STK4: variants seen among roughly 807,000 people sequenced by gnomAD.
STK4 encodes the protein serine/threonine-protein kinase 4.
In STK4, 30 loss-of-function variants were observed where a neutral mutation model predicts 64.9. That is an observed-to-expected ratio of 0.46 (90% CI 0.35 to 0.63). The LOEUF is 0.63. Among genes scored for constraint, STK4 ranks in the 20% least tolerant of loss-of-function variants. The probability of loss-of-function intolerance (pLI) is 0.01; values close to 1 mark genes in which losing one functional copy is unlikely to be tolerated. For synonymous variants in STK4, 177 were observed against 199.0 expected (o/e 0.89, Z 0.93); for missense variants, 466 against 598.5 (o/e 0.78, Z 2.31).
At chr20:45,064,263 GT>G (rs2145470133) in intron 10 of STK4, among the ~76,000 whole-genome samples, 1 of 152,170 alleles carries the variant, frequency 6.6e-6, no homozygotes, top group South Asian at 2.1e-4. Flanking sequence ...TAGGCTTTCT[GT>G]TCTGTCCCAC....
At chr20:44,985,597 C>A (rs1601203023) in intron 4 of STK4, among the ~76,000 whole-genome samples, 1 of 152,304 alleles carries the variant, frequency 6.6e-6, no homozygotes, top group East Asian at 1.9e-4. Context: ...TCCGCCTCAG[C>A]CTCCCAAAGT....
At chr20:45,006,938 G>C (rs553942417) in intron 9 of STK4, among the ~76,000 whole-genome samples, 1 of 152,280 alleles carries the variant, frequency 6.6e-6, no homozygotes, top group East Asian at 1.9e-4. Context: ...AAGTCCTTGT[G>C]ATTTGGTTTT....
In STK4 at chr20:45,078,746, G is replaced by A. The variant is rs1213826512; in HGVS notation, c.*3570G>A. The A allele has an allele frequency of 1.3e-5, 2 of 152,106 alleles. No individual in the cohort carries two copies. Among genetic ancestry groups the A allele is most frequent in the Non-Finnish European group, 2.9e-5 (2 of 67,996 alleles). The allele number at this position is 152,106 out of a possible 1,614,324, so 9.4% of individuals were successfully genotyped here. A position where few individuals can be genotyped will look rare whatever the true frequency, so the allele number is the denominator to read the frequency against. ...GAAGCAACTTAAGAATTGTAGCCTT[G>A]ACTCCTTGAGACTGTAGATTTCGAT... On this transcript the variant is annotated 3_prime_UTR_variant, in exon 11 of 11. Transcript: ENST00000372806.
intron 3 of STK4, among the ~76,000 whole-genome samples, chr20:44,979,479 C>T (rs530365862): frequency 6.6e-6 from 1 of 152,266 alleles, no homozygotes; most frequent in South Asian, 2.1e-4. Context: ...TCCATGACAA[C>T]ATGGGTTGGT....
intron 10 of STK4, among the ~76,000 whole-genome samples, chr20:45,029,728 A>G (rs1291369421): frequency 6.6e-6 from 1 of 152,208 alleles, no homozygotes; most frequent in African/African-American, 2.4e-5. Context: ...GACAGCACCC[A>G]TTGATTGGTG....
rs147271984 is a variant in STK4 at position 44,972,739 on chromosome 20, T to C, written c.116+581T>C. ...AATTAAGTTTACATAATTTTTATAC[T>C]TTTATATATCATTTTAATTCAATCC... On this transcript the variant is annotated intron_variant, in intron 2 of 10. Transcript: ENST00000372806. 7 of 152,306 alleles carry C rather than the reference T, an allele frequency of 4.6e-5. No homozygotes were observed. In the East Asian group the frequency reaches 1.3e-3, roughly 29 times the overall value. 9.4% of individuals were successfully genotyped at this position (152,306 alleles called of 1,614,324 possible).
chr20:44,995,344 AC>A, intron 6 of STK4, 87 bp downstream of exon 6: 2 of 1,468,844 alleles, frequency 1.4e-6, no homozygotes, highest in Non-Finnish European at 1.8e-6. Context: ...TGTGGCTCAC[AC>A]GTGTAATCCC....
intron 10 of STK4, among the ~76,000 whole-genome samples, chr20:45,071,550 G>T (rs999478368): frequency 1.3e-5 from 2 of 152,184 alleles, no homozygotes; most frequent in African/African-American, 4.8e-5. Flanking sequence ...AGGTGGCTGA[G>T]ATAAGGCAAG....
chr20:45,073,671 A>G (rs1441438275), intron 10 of STK4, among the ~76,000 whole-genome samples: 1 of 152,198 alleles, frequency 6.6e-6, no homozygotes, highest in Non-Finnish European at 1.5e-5. Flanking sequence ...ACTGTGGATA[A>G]TGTCAGCATT....
rs113960792 is a variant in STK4 at position 45,066,904 on chromosome 20, C to G, written c.1306-8114C>G. ...ACTAATGGTGTGGTACTTACTTAAT[C>G]CACACAAGTTATGATTTGATTGTCA... On this transcript the variant is annotated intron_variant, in intron 10 of 10. Coordinates refer to ENST00000372806, the MANE Select transcript of STK4 (RefSeq NM_006282.5). Among the ~76,000 whole-genome samples, 1,306 of 152,212 alleles carry G rather than the reference C, an allele frequency of 8.6e-3. 18 individuals are homozygous for G. Among genetic ancestry groups the G allele is most frequent in the African/African-American group, 0.03 (1,253 of 41,530 alleles).
At chr20:44,977,883 A>C (rs1294339087) in intron 2 of STK4, among the ~76,000 whole-genome samples, 1 of 152,236 alleles carries the variant, frequency 6.6e-6, no homozygotes, top group Non-Finnish European at 1.5e-5. Flanking sequence ...GGACAGAAAG[A>C]TCTTGTGGTA....
At chr20:45,046,560 G>A (rs2068698411) in intron 10 of STK4, among the ~76,000 whole-genome samples, 1 of 151,082 alleles carries the variant, frequency 6.6e-6, no homozygotes, top group Admixed American at 6.6e-5. Context: ...CTGTCACAGT[G>A]TGCTTGTCAG....
At chr20:44,997,092 A>G in intron 6 of STK4, 77 bp from the exon 7 acceptor site, 1 of 1,587,714 alleles carries the variant, frequency 6.3e-7, no homozygotes, top group Non-Finnish European at 8.6e-7. Context: ...CTTCAAATGT[A>G]ATTCCACATG....
chr20:44,999,214 A>G (rs2067791246), intron 7 of STK4, among the ~76,000 whole-genome samples: 1 of 152,222 alleles, frequency 6.6e-6, no homozygotes, highest in Non-Finnish European at 1.5e-5. Context: ...AGAAGGTGGG[A>G]TATGATCTTA....
In STK4 at chr20:45,063,278, T is replaced by G. The variant is rs369567298; in HGVS notation, c.1306-11740T>G. The stretch of plus-strand genomic sequence containing the variant: ...CCACCTCAGCCTCCCAAAGTGTGAT[T>G]ACAGGTGTGAGCCACTGCACCTGGC... On this transcript the variant is annotated intron_variant, in intron 10 of 10. Transcript: ENST00000372806. Among the ~76,000 whole-genome samples the G allele has an allele frequency of 9.2e-5, 14 of 152,100 alleles. No homozygotes were observed. In the East Asian group the frequency reaches 1.4e-3, roughly 15 times the overall value.
chr20:44,976,803 C>A (rs1421015867), intron 2 of STK4, among the ~76,000 whole-genome samples: 1 of 152,158 alleles, frequency 6.6e-6, no homozygotes, highest in Non-Finnish European at 1.5e-5. Flanking sequence ...ATTGGCTTGA[C>A]AATGGTTTGA....
intron 4 of STK4, among the ~76,000 whole-genome samples, chr20:44,984,373 T>TA (rs903496671): frequency 1.3e-5 from 2 of 151,888 alleles, no homozygotes; most frequent in African/African-American, 4.8e-5. Flanking sequence ...GCTAATTTGT[T>TA]ATGTATTTTT....
At chr20:44,978,868 G>A (rs538185831) in intron 3 of STK4, among the ~76,000 whole-genome samples, 15 of 148,312 alleles carry the variant, frequency 1.0e-4, no homozygotes, top group Non-Finnish European at 2.2e-4. Context: ...GTGCAATCTC[G>A]GCTCATTGCA....
At chr20:45,053,892 GT>G (rs368887439) in intron 10 of STK4, among the ~76,000 whole-genome samples, 152 of 150,860 alleles carry the variant, frequency 1.0e-3, no homozygotes, top group African/African-American at 3.5e-3. Context: ...AAAGATAGTA[GT>G]TTTTTTTTGT....
Sources: allele counts gnomAD v4.1 joint callset (sites outside exome capture counted in the v4.1 genomes callset), GRCh38; gene constraint gnomAD v4.1.1; transcripts MANE v1.5; gene names NCBI Gene and HGNC (gene_info 2026-07-23, HGNC 2026-07-21).